Variants in RAD51B observed in about 807,000 individuals in gnomAD.
RAD51B encodes the protein DNA repair protein RAD51 homolog 2.
Under a neutral mutation model 42.2 loss-of-function variants are expected in RAD51B, and 38 were observed. The ratio of observed to expected loss-of-function variants is 0.90; its 90% CI spans 0.70 to 1.18. RAD51B has a LOEUF of 1.18. Among genes scored for constraint, RAD51B ranks in the 50% most tolerant of loss-of-function variants. The pLI is 0.00. For missense variants in RAD51B, 373 were observed against 400.7 expected, an observed-to-expected ratio of 0.93 and a Z score of 0.59; for synonymous variants, 154 against 145.2, an observed-to-expected ratio of 1.06 and a Z score of -0.43.
chr14:68,317,908 A>G (rs1055438276), intron 8 of RAD51B, among the ~76,000 whole-genome samples: 2 of 152,276 alleles, frequency 1.3e-5, no homozygotes, highest in African/African-American at 4.8e-5. Flanking sequence ...CATATATCAC[A>G]TAGTATAGCT....
chr14:67,971,024 A>G (rs1337848978), intron 7 of RAD51B, among the ~76,000 whole-genome samples: 1 of 152,092 alleles, frequency 6.6e-6, no homozygotes, highest in African/African-American at 2.4e-5. Flanking sequence ...AAAAGCTATT[A>G]AAGATTATAA....
At chr14:68,062,819 AAAAAAAAAAAAAG>A (rs2076589164) in intron 7 of RAD51B, among the ~76,000 whole-genome samples, 3 of 149,458 alleles carry the variant, frequency 2.0e-5, no homozygotes, top group Admixed American at 6.6e-5. Flanking sequence ...TGTGACAAAA[AAAAAAAAAAAAAG>A]AAAAAAAAAA....
chr14:68,586,185 G>A (rs142170891), intron 10 of RAD51B, among the ~76,000 whole-genome samples: 2 of 152,204 alleles, frequency 1.3e-5, no homozygotes, highest in East Asian at 1.9e-4. Context: ...GTCCTGTTCC[G>A]AGGACAGTAG....
chr14:68,393,718 C>T (rs1164122877), intron 8 of RAD51B, among the ~76,000 whole-genome samples: 1 of 152,146 alleles, frequency 6.6e-6, no homozygotes, highest in Admixed American at 6.5e-5. Context: ...TTTGACATGG[C>T]AATGGAGGCC....
intron 7 of RAD51B, among the ~76,000 whole-genome samples, chr14:67,933,628 T>G (rs1480079133): frequency 6.6e-6 from 1 of 152,146 alleles, no homozygotes; most frequent in Non-Finnish European, 1.5e-5. Flanking sequence ...ATGAGTCCCT[T>G]GGGGCTCATA....
At chr14:68,246,176 A>G (rs1016891959) in intron 7 of RAD51B, among the ~76,000 whole-genome samples, 1 of 152,112 alleles carries the variant, frequency 6.6e-6, no homozygotes, top group Admixed American at 6.5e-5. Flanking sequence ...GTACGTCTTG[A>G]GGGAGAAAAA....
At chr14:68,016,443 G>A (rs1376968524) in intron 7 of RAD51B, among the ~76,000 whole-genome samples, 1 of 152,132 alleles carries the variant, frequency 6.6e-6, no homozygotes, top group East Asian at 1.9e-4. Flanking sequence ...AATAGTGTAA[G>A]CAACCCCAAG....
chr14:68,108,341 A>G (rs1291336779), intron 7 of RAD51B, among the ~76,000 whole-genome samples: 1 of 152,012 alleles, frequency 6.6e-6, no homozygotes, highest in Non-Finnish European at 1.5e-5. Context: ...AGCATTATTC[A>G]TAATAGTCAG....
At chr14:68,358,183 T>G (rs1330641954) in intron 8 of RAD51B, among the ~76,000 whole-genome samples, 1 of 152,134 alleles carries the variant, frequency 6.6e-6, no homozygotes, top group Non-Finnish European at 1.5e-5. Flanking sequence ...ATAACAGATA[T>G]AATTATAATG....
rs571982399 is a variant in RAD51B at position 68,076,813 on chromosome 14, T to C, written c.756+189609T>C. On this transcript the variant is annotated intron_variant, in intron 7 of 10. Transcript: ENST00000471583. ...TCTATTTATTACCCAAAAGTGTAATTTTCATTTAAGAATATAAGAAATGAT... is the reference window on the plus strand; with the variant it reads ...TCTATTTATTACCCAAAAGTGTAATCTTCATTTAAGAATATAAGAAATGAT... 2.5e-3 allele frequency among the ~76,000 whole-genome samples: 381 copies of C among 152,322 alleles called. 2 individuals carry two copies. The highest frequency in any genetic ancestry group is 8.8e-3 in the African/African-American group (365 of 41,576).
intron 10 of RAD51B, among the ~76,000 whole-genome samples, chr14:68,506,455 C>T (rs146622222): frequency 1.3e-3 from 203 of 152,296 alleles, no homozygotes; most frequent in African/African-American, 4.6e-3. Context: ...CTGTTAGAGG[C>T]GAAGGAAAAC....
At chr14:68,284,314 T>A (rs1196217868) in intron 7 of RAD51B, among the ~76,000 whole-genome samples, 1 of 152,214 alleles carries the variant, frequency 6.6e-6, no homozygotes, top group Admixed American at 6.5e-5. Context: ...AGATAAGCAA[T>A]GCAAAGGTGG....
intron 8 of RAD51B, among the ~76,000 whole-genome samples, chr14:68,360,155 C>T (rs1337272517): frequency 1.3e-5 from 2 of 152,174 alleles, no homozygotes; most frequent in Non-Finnish European, 2.9e-5. Flanking sequence ...GCCACTCTTC[C>T]GGGCCTTCTC....
intron 7 of RAD51B, among the ~76,000 whole-genome samples, chr14:67,899,388 A>G (rs2043537349): frequency 2.0e-5 from 3 of 152,130 alleles, no homozygotes; most frequent in African/African-American, 7.2e-5. Flanking sequence ...GCTGGGAAAT[A>G]TCTTCTTAAA....
chr14:68,557,422 T>A (rs1448884636), intron 10 of RAD51B, among the ~76,000 whole-genome samples: 1 of 152,204 alleles, frequency 6.6e-6, no homozygotes, highest in Non-Finnish European at 1.5e-5. Context: ...GTGTTAAAAT[T>A]GGAAGTTTCA....
chr14:67,991,182 G>T (rs542373793), intron 7 of RAD51B, among the ~76,000 whole-genome samples: 4 of 152,274 alleles, frequency 2.6e-5, no homozygotes, highest in Admixed American at 2.0e-4. Flanking sequence ...CAGCCTTCAG[G>T]CAGGAAGATG....
chr14:68,251,552 AAG>A (rs1357354916), intron 7 of RAD51B, among the ~76,000 whole-genome samples: 1 of 152,202 alleles, frequency 6.6e-6, no homozygotes, highest in African/African-American at 2.4e-5. Flanking sequence ...ATTTTAAGAA[AAG>A]AGACTTTCCC....
At chr14:67,918,199 G>C (rs2044216744) in intron 7 of RAD51B, among the ~76,000 whole-genome samples, 1 of 152,104 alleles carries the variant, frequency 6.6e-6, no homozygotes, top group South Asian at 2.1e-4. Context: ...TTTTCAGAGA[G>C]AGAGAGAGAT....
chr14:67,873,547 A>G (rs2042617728), intron 5 of RAD51B, among the ~76,000 whole-genome samples: 1 of 151,858 alleles, frequency 6.6e-6, no homozygotes, highest in Non-Finnish European at 1.5e-5. Context: ...TCAGGGATCT[A>G]GAACTAGAAA....
Sources: allele counts gnomAD v4.1 joint callset (sites outside exome capture counted in the v4.1 genomes callset), GRCh38; gene constraint gnomAD v4.1.1; transcripts MANE v1.5; gene names NCBI Gene and HGNC (gene_info 2026-07-23, HGNC 2026-07-21).